The following TNR variants were observed in gnomAD, a reference collection of about 807,000 sequenced individuals.
TNR encodes tenascin R.
A neutral mutation model predicts 150.4 loss-of-function variants in TNR; 45 were observed. The observed-to-expected ratio is 0.30, with a 90% CI of 0.24 to 0.38. The LOEUF is 0.38. Among genes scored for constraint, TNR ranks in the 10% least tolerant of loss-of-function variants. The pLI is 1.00. For missense variants in TNR, 1,544 were observed against 1,759.1 expected, an observed-to-expected ratio of 0.88 and a Z score of 2.19; for synonymous variants, 687 against 678.4, an observed-to-expected ratio of 1.01 and a Z score of -0.20.
chr1:175,548,708 G>A (rs996175399), intron 1 of TNR, among the ~76,000 whole-genome samples: 1 of 151,532 alleles, frequency 6.6e-6, no homozygotes, highest in Non-Finnish European at 1.5e-5. Context: ...TCTCTACTGG[G>A]GAGCACCCGA....
intron 1 of TNR, among the ~76,000 whole-genome samples, chr1:175,671,545 G>A (rs1225291348): frequency 6.6e-6 from 1 of 152,202 alleles, no homozygotes; most frequent in East Asian, 1.9e-4. Context: ...GCAGTGACAG[G>A]TGGCAAGGGC....
In TNR at chr1:175,318,485, T is replaced by C. The variant is rs1365859088; in HGVS notation, c.*4872A>G. The C allele has an allele frequency of 1.3e-5, 2 of 152,204 alleles. No individual in the cohort carries two copies. The highest frequency in any genetic ancestry group is 3.8e-4 in the East Asian group (2 of 5,204). 9.4% of individuals were successfully genotyped at this position (152,204 alleles called of 1,614,324 possible). The stretch of plus-strand genomic sequence containing the variant: ...CACCAATACATCATCTTAAAGCATA[T>C]AGGAGTTACTTTCCCTGCTTGCTTT... On this transcript the variant is annotated 3_prime_UTR_variant, in exon 23 of 23. Coordinates refer to ENST00000367674, the MANE Select transcript of TNR (RefSeq NM_003285.3).
chr1:175,647,435 C>CAAAAAAAAAAAAAAAAAAAAAAAAAAAA (rs397745737), intron 1 of TNR, among the ~76,000 whole-genome samples: 14 of 121,662 alleles, frequency 1.2e-4, no homozygotes, highest in African/African-American at 4.3e-4. Flanking sequence ...CTATTCGGTG[C>CAAAAAAAAAAAAAAAAAAAAAAAAAAAA]AAAAAAAAAA....
intron 18 of TNR, among the ~76,000 whole-genome samples, chr1:175,346,743 A>G (rs1267600818): frequency 2.6e-5 from 4 of 152,130 alleles, no homozygotes; most frequent in African/African-American, 9.7e-5. Context: ...GCATGGATGG[A>G]TAATTATTTT....
At chr1:175,450,425 C>T (rs973736091) in intron 2 of TNR, among the ~76,000 whole-genome samples, 2 of 152,216 alleles carry the variant, frequency 1.3e-5, no homozygotes, top group African/African-American at 2.4e-5. Context: ...AGCTCAGGGA[C>T]CACCTCCTCC....
chr1:175,558,300 C>T (rs1298808131), intron 1 of TNR, among the ~76,000 whole-genome samples: 3 of 152,082 alleles, frequency 2.0e-5, no homozygotes, highest in Non-Finnish European at 4.4e-5. Flanking sequence ...GCCATTCTAT[C>T]TATGGACAAC....
rs766692349 is a variant in TNR, at chr1:175,385,988, C to A, written c.1777+44G>T. On this transcript the variant is annotated intron_variant, in intron 8 of 22. Coordinates refer to ENST00000367674, the MANE Select transcript of TNR (RefSeq NM_003285.3). ...TGATGACACCACCGGTTGGCTCCAC[C>A]CCTCTTTCCCTCCTTGTGCGTCTCT... 9 of 1,525,434 alleles carry A rather than the reference C, an allele frequency of 5.9e-6. No individual in the cohort carries two copies. The East Asian group carries it at 6.9e-5, about 12-fold the overall frequency. 94.5% of individuals were successfully genotyped at this position (1,525,434 alleles called of 1,614,324 possible). A position where few individuals can be genotyped will look rare whatever the true frequency, so the allele number is the denominator to read the frequency against.
At chr1:175,724,469 A>T (rs1667423991) in intron 1 of TNR, among the ~76,000 whole-genome samples, 1 of 152,134 alleles carries the variant, frequency 6.6e-6, no homozygotes, top group African/African-American at 2.4e-5. Context: ...TATTCCCATG[A>T]TCCAATCACC....
chr1:175,350,842 G>C (rs1401789948), intron 18 of TNR, among the ~76,000 whole-genome samples: 3 of 152,178 alleles, frequency 2.0e-5, no homozygotes, highest in Admixed American at 6.5e-5. Context: ...TTGGGACAAG[G>C]TGAGGGTTTA....
chr1:175,440,130 G>T (rs1655714897), intron 2 of TNR, among the ~76,000 whole-genome samples: 1 of 152,258 alleles, frequency 6.6e-6, no homozygotes, highest in South Asian at 2.1e-4. Flanking sequence ...CAACCCAAAT[G>T]TCCAACAATG....
chr1:175,642,542 G>C lies in TNR; in HGVS notation c.-165+100684C>G, dbSNP rs77411714. Among the ~76,000 whole-genome samples the C allele has an allele frequency of 1.0e-3, 159 of 152,320 alleles. No individual in the cohort carries two copies. The East Asian group carries it at 0.024, about 23-fold the overall frequency. The stretch of plus-strand genomic sequence containing the variant: ...ATGTCAACCTTGCAGTGCAGTAGAG[G>C]AAGGGCTGAGGTTGGCAGCCAGGAT... On this transcript the variant is annotated intron_variant, in intron 1 of 22. Transcript: ENST00000367674.
intron 1 of TNR, among the ~76,000 whole-genome samples, chr1:175,537,875 CA>C (rs1660356090): frequency 1.3e-5 from 2 of 152,150 alleles, no homozygotes; most frequent in Admixed American, 6.5e-5. Flanking sequence ...GGTAATGGTG[CA>C]GAACTGGTGG....
intron 2 of TNR, among the ~76,000 whole-genome samples, chr1:175,462,164 T>C (rs368343762): frequency 2.0e-4 from 30 of 152,336 alleles, no homozygotes; most frequent in African/African-American, 7.2e-4. Context: ...TTCTAGTCCT[T>C]TTGGGGTTCA....
chr1:175,363,859 C>G (rs758121935), intron 12 of TNR, 32 bp from the exon 13 acceptor site: 4 of 1,589,194 alleles, frequency 2.5e-6, no homozygotes, highest in Non-Finnish European at 3.4e-6. Flanking sequence ...GGGAAAAAGA[C>G]AGAAAGCACA....
intron 9 of TNR, among the ~76,000 whole-genome samples, chr1:175,377,566 C>T (rs999285364): frequency 2.0e-5 from 3 of 151,722 alleles, no homozygotes; most frequent in Non-Finnish European, 2.9e-5. Context: ...AATTCACCCC[C>T]GTTAATCTGC....
intron 14 of TNR, among the ~76,000 whole-genome samples, chr1:175,360,708 A>G (rs1307533353): frequency 6.6e-6 from 1 of 152,192 alleles, no homozygotes; most frequent in Non-Finnish European, 1.5e-5. Flanking sequence ...AACCTGCACA[A>G]TATTTTCATG....
At chr1:175,592,905 T>A (rs1446033396) in intron 1 of TNR, among the ~76,000 whole-genome samples, 1 of 152,234 alleles carries the variant, frequency 6.6e-6, no homozygotes, top group South Asian at 2.1e-4. Flanking sequence ...CAAGAAATTC[T>A]TCAAGGGCAA....
chr1:175,427,493 G>A (rs912185859), intron 2 of TNR, among the ~76,000 whole-genome samples: 3 of 152,142 alleles, frequency 2.0e-5, no homozygotes, highest in Non-Finnish European at 2.9e-5. Flanking sequence ...ACAGGATTAG[G>A]CACATTTCAG....
At chr1:175,645,430 T>C (rs1664783447) in intron 1 of TNR, among the ~76,000 whole-genome samples, 1 of 152,238 alleles carries the variant, frequency 6.6e-6, no homozygotes, top group East Asian at 1.9e-4. Flanking sequence ...TTGTGATTAC[T>C]TAAGAGGAAG....
Sources: gnomAD v4.1 joint callset for allele counts (sites outside exome capture counted in the v4.1 genomes callset) on GRCh38, gnomAD v4.1.1 for gene constraint, MANE v1.5 for transcripts, NCBI Gene and HGNC (gene_info 2026-07-23, HGNC 2026-07-21) for gene names.